Variants in TOM1L2 observed in about 807,000 individuals in gnomAD.
The protein encoded by TOM1L2 is TOM1-like protein 2.
A neutral mutation model predicts 67.9 loss-of-function variants in TOM1L2; 31 were observed. The ratio of observed to expected loss-of-function variants is 0.46; its 90% CI spans 0.34 to 0.62. The LOEUF (loss-of-function observed/expected upper bound fraction) is 0.62, where lower values mean the gene tolerates loss of function less well. Among genes scored for constraint, TOM1L2 ranks in the 20% least tolerant of loss-of-function variants. The probability of loss-of-function intolerance (pLI) is 0.01; values close to 1 mark genes in which losing one functional copy is unlikely to be tolerated. For missense variants in TOM1L2, 606 were observed against 663.5 expected (o/e 0.91, Z 0.95); for synonymous variants, 256 against 254.0 (o/e 1.01, Z -0.07).
At chr17:17,929,162 G>A (rs548982942) in intron 1 of TOM1L2, among the ~76,000 whole-genome samples, 7 of 152,296 alleles carry the variant, frequency 4.6e-5, no homozygotes, top group East Asian at 1.9e-4. Context: ...GAATGCAGTC[G>A]GGACTGTGGC....
chr17:17,866,567 T>A, intron 9 of TOM1L2, 148 bp from the exon 10 acceptor site: 1 of 1,093,160 alleles, frequency 9.1e-7, no homozygotes, highest in Non-Finnish European at 1.3e-6. Flanking sequence ...CCCACCTGCC[T>A]TCCAGGTCCA....
chr17:17,884,379 T>C (rs535995843), intron 5 of TOM1L2, among the ~76,000 whole-genome samples: 1 of 152,182 alleles, frequency 6.6e-6, no homozygotes, highest in East Asian at 1.9e-4. Flanking sequence ...TCCGCCCAAG[T>C]AGCCATTTCC....
At chr17:17,853,768 G>A (rs73979207) in intron 12 of TOM1L2, among the ~76,000 whole-genome samples, 2,533 of 152,280 alleles carry the variant, frequency 0.017, 76 homozygotes, top group African/African-American at 0.056. Context: ...TTTCTTCACC[G>A]GAGAGCTCCT....
chr17:17,920,430 TCC>T lies in TOM1L2; in HGVS notation c.53-12901_53-12900del, dbSNP rs200708706. ...ATCTCAGCTCACCACAACCGCCGGC[TCC>T]CGGGTTCAAGCAATTCTCCAGCCTC... On this transcript the variant is annotated intron_variant, in intron 1 of 14. Transcript: ENST00000379504. 9.3e-3 allele frequency among the ~76,000 whole-genome samples: 1,314 copies of T among 141,332 alleles called. 20 individuals are homozygous for T. Among genetic ancestry groups the T allele is most frequent in the African/African-American group, 0.031 (1,148 of 37,296 alleles). 92.7% of individuals were successfully genotyped at this position (141,332 alleles called of 152,430 possible).
At chr17:17,893,851 G>A (rs1365202321) in intron 3 of TOM1L2, 41 bp from the exon 4 acceptor site, 3 of 1,596,262 alleles carry the variant, frequency 1.9e-6, no homozygotes, top group African/African-American at 1.3e-5. Context: ...CCCAGTGGGA[G>A]CTGGAGAAGA....
Position 17,847,244 on chromosome 17 carries a change from G to T in TOM1L2, c.*391C>A. On this transcript the variant is annotated 3_prime_UTR_variant, in exon 15 of 15. Coordinates refer to ENST00000379504, the MANE Select transcript of TOM1L2 (RefSeq NM_001082968.2). ...GGAGGGCAGAATGCCTGAGAAGGTC[G>T]CTGAGCCAGGCAGAGGTGAGCACAG... is the stretch of plus-strand genomic sequence containing the variant. 1 of 215,732 alleles carries T rather than the reference G, an allele frequency of 4.6e-6. No homozygotes were observed. The highest frequency in any genetic ancestry group is 9.3e-6 in the Non-Finnish European group (1 of 107,200). 13.4% of individuals were successfully genotyped at this position (215,732 alleles called of 1,614,324 possible).
chr17:17,873,835 A>G (rs922250697), intron 7 of TOM1L2, among the ~76,000 whole-genome samples: 1 of 152,232 alleles, frequency 6.6e-6, no homozygotes, highest in Non-Finnish European at 1.5e-5. Flanking sequence ...AGCGGCCTCC[A>G]TGGCACGGGG....
rs4925131 is a variant in TOM1L2, at chr17:17,904,684, G to A, written c.137+2763C>T. The stretch of plus-strand genomic sequence containing the variant: ...TCTAGGGTAAAGTGCAGACACCAGA[G>A]AATGCAGCACCTGACCTTGACTACC... On this transcript the variant is annotated intron_variant, in intron 2 of 14. Transcript: ENST00000379504. 7.4e-3 allele frequency among the ~76,000 whole-genome samples: 1,126 copies of A among 152,242 alleles called. 13 individuals carry two copies. The highest frequency in any genetic ancestry group is 0.026 in the African/African-American group (1,082 of 41,528).
At chr17:17,854,997 A>G (rs1474390948) in intron 12 of TOM1L2, among the ~76,000 whole-genome samples, 3 of 152,158 alleles carry the variant, frequency 2.0e-5, no homozygotes, top group Non-Finnish European at 4.4e-5. Context: ...TCCAATAGAG[A>G]CTGCTGCCTG....
chr17:17,892,067 T>C (rs531928276), intron 4 of TOM1L2, among the ~76,000 whole-genome samples: 2 of 152,272 alleles, frequency 1.3e-5, no homozygotes, highest in African/African-American at 4.8e-5. Flanking sequence ...AAAGCCAGTC[T>C]TGAAGACCAC....
At chr17:17,848,331 G>A (rs1219718607) in intron 14 of TOM1L2, among the ~76,000 whole-genome samples, 4 of 152,182 alleles carry the variant, frequency 2.6e-5, no homozygotes, top group Non-Finnish European at 4.4e-5. Flanking sequence ...CGGAGAGGCA[G>A]ATGGAGTGGG....
intron 1 of TOM1L2, among the ~76,000 whole-genome samples, chr17:17,944,709 G>C (rs988387560): frequency 2.0e-5 from 3 of 152,238 alleles, no homozygotes; most frequent in Non-Finnish European, 2.9e-5. Context: ...ACAAGGAGAG[G>C]TGAAAAGCTG....
chr17:17,922,439 C>T (rs1012376951), intron 1 of TOM1L2, among the ~76,000 whole-genome samples: 1 of 152,124 alleles, frequency 6.6e-6, no homozygotes. Context: ...TGAGACAGAT[C>T]GCTCTGGTAA....
intron 1 of TOM1L2, among the ~76,000 whole-genome samples, chr17:17,928,321 C>T (rs1012911602): frequency 8.5e-5 from 13 of 152,088 alleles, no homozygotes; most frequent in Non-Finnish European, 1.8e-4. Context: ...GGCTAAGCAA[C>T]GAGGGTACAT....
intron 1 of TOM1L2, among the ~76,000 whole-genome samples, chr17:17,917,642 T>A (rs1417245149): frequency 6.7e-6 from 1 of 148,490 alleles, no homozygotes; most frequent in East Asian, 2.1e-4. Context: ...TGTAGATCAC[T>A]TTGGGTAGTG....
At chr17:17,972,014 G>A (rs1435061054) in intron 1 of TOM1L2, among the ~76,000 whole-genome samples, 1 of 151,758 alleles carries the variant, frequency 6.6e-6, no homozygotes, top group Non-Finnish European at 1.5e-5. Flanking sequence ...CAACCCGCCC[G>A]TGAGGTGGCA....
chr17:17,901,072 A>T (rs1317398626), intron 2 of TOM1L2, among the ~76,000 whole-genome samples: 2 of 152,242 alleles, frequency 1.3e-5, no homozygotes, highest in Non-Finnish European at 2.9e-5. Context: ...GAAATCAGAC[A>T]GTCAGCAGCT....
chr17:17,948,358 T>G (rs1255108747), intron 1 of TOM1L2, among the ~76,000 whole-genome samples: 1 of 152,166 alleles, frequency 6.6e-6, no homozygotes, highest in African/African-American at 2.4e-5. Flanking sequence ...TCAAAAAATG[T>G]GCCCCCTTGG....
rs530055227 is a variant in TOM1L2, at chr17:17,872,051, C to T, written c.778-2578G>A. Reference sequence around the variant, plus strand: ...TGCCTGGGCCTTGGGGCCTGCCAGACGTGGTCTGGATTGCCAGGCAATAAT... The same window carrying T: ...TGCCTGGGCCTTGGGGCCTGCCAGATGTGGTCTGGATTGCCAGGCAATAAT... On this transcript the variant is annotated intron_variant, in intron 7 of 14. Transcript: ENST00000379504. 8.8e-5 allele frequency: 87 copies of T among 985,276 alleles called. No homozygotes were observed. In the South Asian group the frequency reaches 8.9e-4, roughly 10 times the overall value. 61.0% of individuals were successfully genotyped at this position (985,276 alleles called of 1,614,324 possible).
Sources: gnomAD v4.1 joint callset for allele counts (sites outside exome capture counted in the v4.1 genomes callset) on GRCh38, gnomAD v4.1.1 for gene constraint, MANE v1.5 for transcripts, NCBI Gene and HGNC (gene_info 2026-07-23, HGNC 2026-07-21) for gene names.